ADGRB3: variants seen among roughly 807,000 people sequenced by gnomAD.
The protein encoded by ADGRB3 is adhesion G protein-coupled receptor B3.
ADGRB3 carries 37 observed loss-of-function variants against 193.4 expected under a neutral mutation model. The observed-to-expected ratio is 0.19, with a 90% CI of 0.15 to 0.25. The LOEUF is 0.25. Among genes scored for constraint, ADGRB3 ranks in the 10% least tolerant of loss-of-function variants. The pLI is 1.00. For synonymous variants in ADGRB3, 690 were observed against 644.2 expected (o/e 1.07, Z -1.08); for missense variants, 1,637 against 1,852.9 (o/e 0.88, Z 2.14).
At chr6:68,768,933 A>C (rs113827577) in intron 3 of ADGRB3, among the ~76,000 whole-genome samples, 1 of 152,162 alleles carries the variant, frequency 6.6e-6, no homozygotes, top group African/African-American at 2.4e-5. Flanking sequence ...AAACATACGA[A>C]AAAAAAGCTC....
chr6:68,887,152 G>A (rs1765933238), intron 3 of ADGRB3, among the ~76,000 whole-genome samples: 1 of 151,640 alleles, frequency 6.6e-6, no homozygotes, highest in Admixed American at 6.6e-5. Flanking sequence ...AAGCGATATT[G>A]TTAGTTCAAA....
At chr6:68,992,609 T>C (rs1192411842) in intron 10 of ADGRB3, among the ~76,000 whole-genome samples, 1 of 152,172 alleles carries the variant, frequency 6.6e-6, no homozygotes, top group Non-Finnish European at 1.5e-5. Context: ...GAGAAGTACC[T>C]AAATATGTTA....
intron 11 of ADGRB3, among the ~76,000 whole-genome samples, chr6:69,007,685 TCTCTCTCTCACA>T (rs1209643555): frequency 1.7e-3 from 131 of 78,614 alleles, no homozygotes; most frequent in Non-Finnish European, 2.3e-3. Flanking sequence ...TCTCTCTCTC[TCTCTCTCTCACA>T]CACACACACA....
At chr6:69,131,251 C>T (rs1016116809) in intron 17 of ADGRB3, among the ~76,000 whole-genome samples, 3 of 151,994 alleles carry the variant, frequency 2.0e-5, no homozygotes, top group Admixed American at 1.3e-4. Context: ...TCAACTAAAA[C>T]GGGATCAAGA....
At chr6:68,788,156 C>T (rs1483298121) in intron 3 of ADGRB3, among the ~76,000 whole-genome samples, 2 of 152,238 alleles carry the variant, frequency 1.3e-5, no homozygotes, top group South Asian at 2.1e-4. Context: ...CTATTTCCTT[C>T]GGTTCTGCTC....
intron 3 of ADGRB3, among the ~76,000 whole-genome samples, chr6:68,760,831 C>A (rs1766383178): frequency 6.6e-6 from 1 of 152,204 alleles, no homozygotes; most frequent in African/African-American, 2.4e-5. Flanking sequence ...ACTATAATAG[C>A]AGCATGTCCA....
chr6:68,895,260 C>T (rs1049286589), intron 3 of ADGRB3, among the ~76,000 whole-genome samples: 1 of 150,252 alleles, frequency 6.7e-6, no homozygotes, highest in African/African-American at 2.4e-5. Flanking sequence ...GAAGAGTACA[C>T]TTCCTGTTGA....
At chr6:69,072,394 A>G (rs919107873) in intron 16 of ADGRB3, among the ~76,000 whole-genome samples, 5 of 152,218 alleles carry the variant, frequency 3.3e-5, no homozygotes, top group African/African-American at 9.6e-5. Flanking sequence ...AATAAAACTG[A>G]ATGTTGACAA....
At chr6:69,128,998 C>T (rs1197020045) in intron 17 of ADGRB3, among the ~76,000 whole-genome samples, 9 of 152,122 alleles carry the variant, frequency 5.9e-5, no homozygotes, top group African/African-American at 2.2e-4. Context: ...CCATGTGGTA[C>T]GCATTTTAGT....
At chr6:68,711,401 C>T (rs1010036776) in intron 3 of ADGRB3, among the ~76,000 whole-genome samples, 3 of 151,954 alleles carry the variant, frequency 2.0e-5, no homozygotes, top group East Asian at 1.9e-4. Context: ...ACAGAATTTA[C>T]GAACTTAGCA....
chr6:68,835,075 T>G (rs770099564), intron 3 of ADGRB3, among the ~76,000 whole-genome samples: 2 of 152,060 alleles, frequency 1.3e-5, no homozygotes, highest in Non-Finnish European at 2.9e-5. Flanking sequence ...TAGGAGAAAG[T>G]TTTTTTGTCA....
intron 3 of ADGRB3, among the ~76,000 whole-genome samples, chr6:68,880,608 G>A (rs568737064): frequency 6.6e-6 from 1 of 152,136 alleles, no homozygotes; most frequent in African/African-American, 2.4e-5. Flanking sequence ...ATAACTTCTG[G>A]GTCAATGCTC....
intron 21 of ADGRB3, among the ~76,000 whole-genome samples, chr6:69,327,418 A>G (rs1318436183): frequency 6.6e-6 from 1 of 152,204 alleles, no homozygotes; most frequent in East Asian, 1.9e-4. Flanking sequence ...TATGTGGCCA[A>G]TGGAATGTTC....
At chr6:68,844,762 G>A (rs995301468) in intron 3 of ADGRB3, among the ~76,000 whole-genome samples, 1 of 152,160 alleles carries the variant, frequency 6.6e-6, no homozygotes, top group Non-Finnish European at 1.5e-5. Flanking sequence ...TTTGGTACAT[G>A]CACAAAATGG....
At chr6:68,849,807 T>C (rs1379074829) in intron 3 of ADGRB3, among the ~76,000 whole-genome samples, 1 of 151,896 alleles carries the variant, frequency 6.6e-6, no homozygotes, top group Non-Finnish European at 1.5e-5. Flanking sequence ...AGGGGAACCA[T>C]AGTATAGAAG....
chr6:69,012,695 C>T (rs923552238), intron 11 of ADGRB3, among the ~76,000 whole-genome samples: 9 of 151,958 alleles, frequency 5.9e-5, no homozygotes, highest in African/African-American at 2.2e-4. Context: ...ATGTGATTGC[C>T]AGGTACTATT....
chr6:69,320,147 C>T (rs1298653359), intron 20 of ADGRB3, among the ~76,000 whole-genome samples: 1 of 151,246 alleles, frequency 6.6e-6, no homozygotes, highest in African/African-American at 2.4e-5. Flanking sequence ...AGTATCTCAT[C>T]CCTGAGAACA....
intron 15 of ADGRB3, among the ~76,000 whole-genome samples, chr6:69,060,220 T>TTCTCTC (rs556453350): frequency 0.11 from 14,659 of 129,512 alleles, 955 homozygotes; most frequent in Middle Eastern, 0.15. Flanking sequence ...CTCTCTCTCT[T>TTCTCTC]TCTCTCTCTC....
intron 20 of ADGRB3, among the ~76,000 whole-genome samples, chr6:69,322,276 C>T (rs1375646188): frequency 6.6e-6 from 1 of 151,760 alleles, no homozygotes; most frequent in South Asian, 2.1e-4. Context: ...GGGTTGATTC[C>T]GTTTCTTTTC....
Sources: allele counts gnomAD v4.1 joint callset (sites outside exome capture counted in the v4.1 genomes callset), GRCh38; gene constraint gnomAD v4.1.1; transcripts MANE v1.5; gene names NCBI Gene and HGNC (gene_info 2026-07-23, HGNC 2026-07-21).